Variants in C10orf67 observed in about 807,000 individuals in gnomAD.
C10orf67 encodes the protein uncharacterized protein C10orf67, mitochondrial.
C10orf67 carries 60 observed loss-of-function variants against 35.6 expected under a neutral mutation model. That is an observed-to-expected ratio of 1.68 (90% CI 1.37 to 2.09). C10orf67 has a LOEUF of 2.09. Among genes scored for constraint, C10orf67 ranks in the 30% most tolerant of loss-of-function variants. The probability of loss-of-function intolerance (pLI) is 0.00; values close to 1 mark genes in which losing one functional copy is unlikely to be tolerated. For synonymous variants in C10orf67, 167 were observed against 115.8 expected (o/e 1.44, Z -2.84); for missense variants, 474 against 330.2 (o/e 1.44, Z -3.38).
intron 15 of C10orf67, among the ~76,000 whole-genome samples, chr10:23,205,799 A>C (rs1188333413): frequency 6.6e-6 from 1 of 152,230 alleles, no homozygotes; most frequent in African/African-American, 2.4e-5. Context: ...TTTTAACACT[A>C]AAACCAAAAT....
chr10:23,234,952 C>T lies in C10orf67; in HGVS notation c.1434+4777G>A, dbSNP rs184083001. Among the ~76,000 whole-genome samples the T allele has an allele frequency of 3.5e-3, 447 of 128,580 alleles. 14 individuals are homozygous for T. The East Asian group carries it at 0.061, about 18-fold the overall frequency. 84.4% of individuals were successfully genotyped at this position (128,580 alleles called of 152,430 possible). On this transcript the variant is annotated intron_variant, in intron 13 of 15. Coordinates refer to ENST00000636213, the MANE Select transcript of C10orf67 (RefSeq NM_001371909.1). ...GCTTGAACCCGGGAGGCGGAGGTTG[C>T]GGTGAGCCGAGATCGCACCATTGCA... is the stretch of plus-strand genomic sequence containing the variant.
intron 12 of C10orf67, among the ~76,000 whole-genome samples, chr10:23,240,665 C>A (rs1433153680): frequency 1.3e-5 from 2 of 152,190 alleles, no homozygotes; most frequent in East Asian, 1.9e-4. Context: ...GGCTGGACAG[C>A]CTTCAGAGTG....
In C10orf67 at chr10:23,344,664, G is replaced by A; in HGVS notation, c.111C>T (p.Ala37=). Residue 37 remains alanine, a synonymous_variant, in exon 1 of 16, where the codon GCC becomes GCT. Transcript: ENST00000636213. ...GCAGCTCGGTGGCCTTGGCTTTCATGGCCTCCCAGCGTGTGCCAAAGGTCC... is the reference window on the plus strand; with the variant it reads ...GCAGCTCGGTGGCCTTGGCTTTCATAGCCTCCCAGCGTGTGCCAAAGGTCC... ...LRGTFGTRWE[A]MKAKATELRV... 1 of 1,580,514 alleles carries A rather than the reference G, an allele frequency of 6.3e-7. No homozygotes were observed. Among genetic ancestry groups the A allele is most frequent in the Non-Finnish European group, 8.6e-7 (1 of 1,163,708 alleles).
At chr10:23,300,513 C>T (rs1844039077) in intron 5 of C10orf67, among the ~76,000 whole-genome samples, 1 of 152,156 alleles carries the variant, frequency 6.6e-6, no homozygotes, top group Admixed American at 6.5e-5. Context: ...TTTCTAATGT[C>T]TGCAGCTGAC....
chr10:23,330,604 G>A (rs148718146), intron 2 of C10orf67, among the ~76,000 whole-genome samples: 99 of 152,192 alleles, frequency 6.5e-4, no homozygotes, highest in African/African-American at 2.0e-3. Flanking sequence ...GCCGGGCGTG[G>A]TGGCCGGCGC....
chr10:23,219,564 T>C (rs1021274304), intron 15 of C10orf67, among the ~76,000 whole-genome samples: 1 of 152,192 alleles, frequency 6.6e-6, no homozygotes, highest in African/African-American at 2.4e-5. Context: ...AAAAACTGCT[T>C]TGAAATGTTG....
intron 4 of C10orf67, among the ~76,000 whole-genome samples, chr10:23,319,529 G>A (rs943183442): frequency 6.6e-6 from 1 of 152,164 alleles, no homozygotes; most frequent in Non-Finnish European, 1.5e-5. Context: ...AACCAGCAAA[G>A]GGATTGCTTG....
chr10:23,263,629 G>C (rs572865532), intron 10 of C10orf67, among the ~76,000 whole-genome samples: 1 of 152,238 alleles, frequency 6.6e-6, no homozygotes, highest in African/African-American at 2.4e-5. Context: ...TCTTTCTGCA[G>C]ATCAAAGCAT....
chr10:23,212,713 C>A (rs1187811597), intron 15 of C10orf67, among the ~76,000 whole-genome samples: 4 of 148,674 alleles, frequency 2.7e-5, no homozygotes, highest in Admixed American at 2.0e-4. Flanking sequence ...TAAGAACTGG[C>A]TGTAAACTGG....
At chr10:23,221,515 G>C (rs1841580186) in intron 15 of C10orf67, among the ~76,000 whole-genome samples, 1 of 152,290 alleles carries the variant, frequency 6.6e-6, no homozygotes, top group South Asian at 2.1e-4. Context: ...ACCTTGTAAA[G>C]TACTTTCGGA....
chr10:23,221,866 G>A (rs980303775), intron 15 of C10orf67, among the ~76,000 whole-genome samples: 1 of 152,092 alleles, frequency 6.6e-6, no homozygotes, highest in Non-Finnish European at 1.5e-5. Flanking sequence ...AGAAATTTTT[G>A]TTAACTGGAT....
chr10:23,212,037 A>G (rs2132087418), intron 15 of C10orf67, among the ~76,000 whole-genome samples: 1 of 152,340 alleles, frequency 6.6e-6, no homozygotes, highest in South Asian at 2.1e-4. Context: ...GTCTTTGCAG[A>G]TGATCAAATT....
At chr10:23,288,157 G>A (rs1253571149) in intron 7 of C10orf67, among the ~76,000 whole-genome samples, 1 of 152,132 alleles carries the variant, frequency 6.6e-6, no homozygotes, top group Non-Finnish European at 1.5e-5. Flanking sequence ...TTACTATAAA[G>A]AGACATGCAC....
intron 5 of C10orf67, among the ~76,000 whole-genome samples, chr10:23,292,297 G>T (rs1843746240): frequency 6.6e-6 from 1 of 150,870 alleles, no homozygotes; most frequent in Non-Finnish European, 1.5e-5. Context: ...AATGGATTGG[G>T]GAAGCTGGTG....
rs1846079725 is a variant in C10orf67, at chr10:23,344,750, C to T, written c.25G>A (p.Ala9Thr). MALVRDRR[A>T]HYVMSIVIRW... ...ATAACTATGCTCATGACATAATGAG[C>T]CCTGCGATCCCGGACCAAGGCCATC... Residue 9 changes from alanine (A) to threonine (T), a missense_variant, in exon 1 of 16, where the codon GCT becomes ACT. Coordinates refer to ENST00000636213, the MANE Select transcript of C10orf67 (RefSeq NM_001371909.1). The T allele has an allele frequency of 6.4e-7, 1 of 1,567,548 alleles. No homozygotes were observed. Among genetic ancestry groups the T allele is most frequent in the African/African-American group, 1.4e-5 (1 of 73,718 alleles).
rs1843671677 is a variant in C10orf67 at position 23,290,012 on chromosome 10, G to A, written c.851-54C>T. ...CATGAAATTACATGCTTATGCCCCT[G>A]TATTTAAACGGCCTGCTTCAGGGCA... On this transcript the variant is annotated intron_variant, in intron 6 of 15. Transcript: ENST00000636213. 4.2e-6 allele frequency: 3 copies of A among 712,160 alleles called. No homozygotes were observed. The Admixed American group carries it at 6.1e-5, about 15-fold the overall frequency. The allele number at this position is 712,160 out of a possible 1,614,324, so 44.1% of individuals were successfully genotyped here.
chr10:23,279,005 A>C (rs912979422), intron 8 of C10orf67, among the ~76,000 whole-genome samples: 4 of 152,034 alleles, frequency 2.6e-5, no homozygotes, highest in African/African-American at 9.7e-5. Context: ...TAATCCCAAC[A>C]CTTTAGGAGG....
At chr10:23,315,242 G>T (rs922159178) in intron 4 of C10orf67, among the ~76,000 whole-genome samples, 1 of 152,086 alleles carries the variant, frequency 6.6e-6, no homozygotes, top group Admixed American at 6.6e-5. Flanking sequence ...ACATATTTAT[G>T]AAAAACTGAT....
intron 15 of C10orf67, among the ~76,000 whole-genome samples, chr10:23,214,954 C>T (rs111339126): frequency 0.17 from 25,568 of 152,084 alleles, 2,338 homozygotes; most frequent in Admixed American, 0.24. Context: ...ACCTGGGAGG[C>T]GGAGATTGCA....
Sources: allele counts gnomAD v4.1 joint callset (sites outside exome capture counted in the v4.1 genomes callset), GRCh38; gene constraint gnomAD v4.1.1; transcripts MANE v1.5; gene names NCBI Gene and HGNC (gene_info 2026-07-23, HGNC 2026-07-21).